The following MDC1 variants were observed in gnomAD, a reference collection of about 807,000 sequenced individuals.
MDC1 encodes mediator of DNA damage checkpoint 1.
Under a neutral mutation model 142.5 loss-of-function variants are expected in MDC1, and 81 were observed. That is an observed-to-expected ratio of 0.57 (90% confidence interval 0.47 to 0.68). The LOEUF is 0.68. Ranked by LOEUF, MDC1 falls within the 30% of genes least tolerant of loss-of-function variation. MDC1 has a pLI of 0.00. For synonymous variants in MDC1, 797 were observed against 968.4 expected, an observed-to-expected ratio of 0.82 and a Z score of 3.29; for missense variants, 2,119 against 2,547.9, an observed-to-expected ratio of 0.83 and a Z score of 3.62.
At chr6:30,707,310 A>G (rs1774039537) in intron 9 of MDC1, 74 bp downstream of exon 9, 3 of 1,421,524 alleles carry the variant, frequency 2.1e-6, no homozygotes, top group Non-Finnish European at 3.0e-6. Flanking sequence ...GATTAAAGTG[A>G]GGCTAGGTGA....
rs538887974 is a variant in MDC1, at chr6:30,700,575, G to A, written c.6160C>T (p.Arg2054Trp). The A allele has an allele frequency of 2.9e-5, 47 of 1,612,974 alleles. No individual in the cohort carries two copies. Among genetic ancestry groups the A allele is most frequent in the Non-Finnish European group, 3.6e-5 (42 of 1,179,994 alleles). ...GGCGAGAGGAGGGGCAGCCCAACCC[G>A]TAGTGGAATGGAGCAATGAGGGAAG... ...QDFPHCSIPL[R>W]VGLPLLSPEF... Residue 2054 changes from arginine to tryptophan, a missense_variant, in exon 15 of 15, where the codon CGG becomes TGG. Arg to Trp is a moderately radical substitution (Grantham distance 101, BLOSUM62 -3). Coordinates refer to ENST00000376406, the MANE Select transcript of MDC1 (RefSeq NM_014641.3).
At chr6:30,714,631 C>G (rs1457275282) in intron 2 of MDC1, among the ~76,000 whole-genome samples, 1 of 151,972 alleles carries the variant, frequency 6.6e-6, no homozygotes, top group East Asian at 1.9e-4. Flanking sequence ...CTGGCTCAGC[C>G]TCCCAAGTAG....
In MDC1 at chr6:30,704,951, G is replaced by A. The variant is rs1235964301; in HGVS notation, c.4232C>T (p.Ala1411Val). The A allele has an allele frequency of 6.2e-7, 1 of 1,607,132 alleles. No individual in the cohort carries two copies. The highest frequency in any genetic ancestry group is 1.1e-5 in the South Asian group (1 of 90,262). The change falls in exon 10 of 15, where the codon GCC (alanine) becomes GTC (valine). Residue 1411 changes from alanine (A) to valine (V), a missense_variant. Ala to Val is a moderately conservative substitution (Grantham distance 64, BLOSUM62 0). Transcript: ENST00000376406. ...GKTPETLVPTAPKLEPSTSTD... is the reference protein window; with the variant it reads ...GKTPETLVPTVPKLEPSTSTD... ...GGAAGTGGAAGGCTCGAGCTTAGGG[G>A]CTGTGGGGACAAGTGTTTCAGGGGT...
Position 30,712,452 on chromosome 6 carries a change from T to A in MDC1, c.1490A>T (p.Asp497Val). The change falls in exon 5 of 15, where the codon GAC becomes GTC. Residue 497 changes from aspartate (D) to valine (V), a missense_variant. Physicochemically the swap from Asp to Val is radical, Grantham distance 152 (BLOSUM62 -3). Transcript: ENST00000376406. The surrounding 1 kb of genome is among the most constrained non-coding windows in gnomAD (Gnocchi z 4.7). The part of the protein sequence containing the change: ...KDQPPFGDSD[D>V]SVEADKSSPG... ...TGAGCTCTTATCTGCTTCCACACTG[T>A]CATCACTGTCCCCAAAAGGAGGTTG... 1 of 1,613,066 alleles carries A rather than the reference T, an allele frequency of 6.2e-7. No homozygotes were observed. Among genetic ancestry groups the A allele is most frequent in the Non-Finnish European group, 8.5e-7 (1 of 1,180,020 alleles).
intron 13 of MDC1, 31 bp from the exon 14 acceptor site, chr6:30,702,694 G>A: frequency 6.2e-7 from 1 of 1,612,276 alleles, no homozygotes. Context: ...AGATGGTATT[G>A]TAGATTGGGA....
Position 30,713,187 on chromosome 6 carries a change from A to G in MDC1, c.755T>C (p.Val252Ala). The stretch of plus-strand genomic sequence containing the variant: ...CTTTTCAAGCTGGATTTCAGTTACA[A>G]CTTCAGCTTCAGACTGCTTTGCCTC... Reference protein sequence around the residue: ...TVEAKQSEAEVVTEIQLEKDQ... With the variant: ...TVEAKQSEAEAVTEIQLEKDQ... Residue 252 changes from valine to alanine, a missense_variant, in exon 5 of 15, where the codon GTT (valine) becomes GCT (alanine). Transcript: ENST00000376406. This position sits in a 1 kb window ranked among gnomAD's most constrained non-coding sequence, Gnocchi z 4.9. 6.2e-7 allele frequency: 1 copy of G among 1,612,978 alleles called. No homozygotes were observed.
At chr6:30,701,332 T>C (rs9501481) in intron 14 of MDC1, among the ~76,000 whole-genome samples, 10,262 of 151,358 alleles carry the variant, frequency 0.068, 566 homozygotes, top group African/African-American at 0.14. Context: ...ACCCGGGAGA[T>C]GGAGGTTGCA....
rs372152548 is a variant in MDC1, at chr6:30,712,441, C to T, written c.1501G>A (p.Ala501Thr). 6.2e-6 allele frequency: 10 copies of T among 1,612,842 alleles called. No homozygotes were observed. The highest frequency in any genetic ancestry group is 7.6e-6 in the Non-Finnish European group (9 of 1,179,964). ...TGGATCCCAGGTGAGCTCTTATCTG[C>T]TTCCACACTGTCATCACTGTCCCCA... ...PFGDSDDSVE[A>T]DKSSPGIHLE... Residue 501 changes from alanine to threonine, a missense_variant, in exon 5 of 15, where the codon GCA becomes ACA. Physicochemically the swap from Ala to Thr is moderately conservative, Grantham distance 58. Coordinates refer to ENST00000376406, the MANE Select transcript of MDC1 (RefSeq NM_014641.3). This position sits in a 1 kb window ranked among gnomAD's most constrained non-coding sequence, Gnocchi z 4.7.
rs750428000 is a variant in MDC1 at position 30,712,977 on chromosome 6, T to C, written c.965A>G (p.Gln322Arg). The C allele has an allele frequency of 1.2e-5, 20 of 1,613,022 alleles. No individual in the cohort carries two copies. Among genetic ancestry groups the C allele is most frequent in the Non-Finnish European group, 1.7e-5 (20 of 1,179,972 alleles). ...RPAEVHLERAQPFGFIDSDTD... is the reference protein window; with the variant it reads ...RPAEVHLERARPFGFIDSDTD... ...GTCGCTGTCGATGAAGCCAAAAGGCTGAGCCCTTTCCAAATGGACCTCAGC... is the reference window on the plus strand; with the variant it reads ...GTCGCTGTCGATGAAGCCAAAAGGCCGAGCCCTTTCCAAATGGACCTCAGC... Residue 322 changes from glutamine to arginine, a missense_variant, in exon 5 of 15, where the codon CAG (glutamine) becomes CGG (arginine). Physicochemically the swap from Gln to Arg is conservative, Grantham distance 43 (BLOSUM62 1). Transcript: ENST00000376406. The surrounding 1 kb of genome is among the most constrained non-coding windows in gnomAD (Gnocchi z 4.7).
rs780547156 is a variant in MDC1 at position 30,712,225 on chromosome 6, G to A, written c.1717C>T (p.Leu573=). The change falls in exon 5 of 15, where the codon CTG becomes TTG. Residue 573 remains leucine (L), a synonymous_variant. Coordinates refer to ENST00000376406, the MANE Select transcript of MDC1 (RefSeq NM_014641.3). This position sits in a 1 kb window ranked among gnomAD's most constrained non-coding sequence, Gnocchi z 4.7. ...GCATCTGTTTCACAGTCCCCATGCA[G>A]AGGCCAGGCTTCCTCTAGAGATACC... ...LVVSLEEAWP[L]HGDCETDAEE... 1 of 1,613,012 alleles carries A rather than the reference G, an allele frequency of 6.2e-7. No individual in the cohort carries two copies. The highest frequency in any genetic ancestry group is 1.1e-5 in the South Asian group (1 of 91,076).
At position 30,708,077 on chromosome 6, in the gene MDC1, T is replaced by A; in HGVS notation, c.2502A>T (p.Glu834Asp). 6.2e-7 allele frequency: 1 copy of A among 1,613,114 alleles called. No homozygotes were observed. Among genetic ancestry groups the A allele is most frequent in the East Asian group, 2.2e-5 (1 of 44,888 alleles). The change falls in exon 8 of 15, where the codon GAA becomes GAT. Residue 834 changes from glutamate to aspartate, a missense_variant. Glu to Asp is a conservative substitution (Grantham distance 45, BLOSUM62 2). Coordinates refer to ENST00000376406, the MANE Select transcript of MDC1 (RefSeq NM_014641.3). ...GTCTTTCTGGTAGCAGTTTCTCAGT[T>A]TCTCTCTCCAATGGCCCTCTCTCAG... is the stretch of plus-strand genomic sequence containing the variant. ...VGPERGPLER[E>D]TEKLLPERQT...
Position 30,712,498 on chromosome 6 carries a change from T to C in MDC1, c.1444A>G (p.Arg482Gly), listed in dbSNP as rs1484001642. 1 of 1,613,098 alleles carries C rather than the reference T, an allele frequency of 6.2e-7. No individual in the cohort carries two copies. The highest frequency in any genetic ancestry group is 1.7e-5 in the Admixed American group (1 of 60,026). Reference sequence around the variant, plus strand: ...GGTTGGTCCTTTTCTGAATGTGCTCTAACAAGGGCTCTAATCTTTGTGTGA... The same window carrying C: ...GGTTGGTCCTTTTCTGAATGTGCTCCAACAAGGGCTCTAATCTTTGTGTGA... ...KDHTKIRALV[R>G]AHSEKDQPPF... Residue 482 changes from arginine to glycine, a missense_variant, in exon 5 of 15, where the codon AGA (arginine) becomes GGA (glycine). Transcript: ENST00000376406. This position sits in a 1 kb window ranked among gnomAD's most constrained non-coding sequence, Gnocchi z 4.7.
At position 30,704,859 on chromosome 6, in the gene MDC1, C is replaced by T; in HGVS notation, c.4324G>A (p.Val1442Met). The T allele has an allele frequency of 6.2e-7, 1 of 1,606,244 alleles. No homozygotes were observed. Among genetic ancestry groups the T allele is most frequent in the Non-Finnish European group, 8.5e-7 (1 of 1,176,654 alleles). The change falls in exon 10 of 15, where the codon GTG (valine) becomes ATG (methionine). Residue 1442 changes from valine (V) to methionine (M), a missense_variant. Coordinates refer to ENST00000376406, the MANE Select transcript of MDC1 (RefSeq NM_014641.3). ...GGGACAACTGTTTCAGGGGTCTTCA[C>T]AGAGGACCTATTTGTCCTGCCCCTG... The part of the protein sequence containing the change: ...ATRGRTNRSS[V>M]KTPETVVPTA...
intron 9 of MDC1, among the ~76,000 whole-genome samples, 189 bp from the exon 10 acceptor site, chr6:30,706,287 C>T (rs1316689241): frequency 6.6e-6 from 1 of 151,734 alleles, no homozygotes; most frequent in Non-Finnish European, 1.5e-5. Flanking sequence ...GAGTTCAAGA[C>T]CAGCCTGGCC....
At position 30,707,846 on chromosome 6, in the gene MDC1, TGGAA is replaced by T; in HGVS notation, c.2729_2732del (p.Leu910GlnfsTer9). The T allele has an allele frequency of 6.2e-7, 1 of 1,613,136 alleles. No homozygotes were observed. The highest frequency in any genetic ancestry group is 2.2e-5 in the East Asian group (1 of 44,880). ...CTACTTCTCTCTCAAATGCTTTGCT[TGGAA>T]GGGTCTGCTTCTGTACTTGTTTCTC... is the stretch of plus-strand genomic sequence containing the variant. On this transcript the variant is annotated frameshift_variant, in exon 8 of 15. Transcript: ENST00000376406. LOFTEE classifies it high-confidence loss of function.
rs190567482 is a variant in MDC1 at position 30,716,826 on chromosome 6, G to A, written c.-4+419C>T. The A allele has an allele frequency of 2.4e-6, 2 of 847,802 alleles. No homozygotes were observed. Among genetic ancestry groups the A allele is most frequent in the Non-Finnish European group, 2.8e-6 (2 of 704,298 alleles). The allele number at this position is 847,802 out of a possible 1,614,324, so 52.5% of individuals were successfully genotyped here. On this transcript the variant is annotated intron_variant, in intron 1 of 14. Transcript: ENST00000376406. The surrounding 1 kb of genome is among the most constrained non-coding windows in gnomAD (Gnocchi z 4.4). ...TGCCCTCGGGAAGGCTCATCACCGA[G>A]CCTACTGATGAAGGAACAAATGAGA...
chr6:30,707,132 A>G (rs1267719800), intron 9 of MDC1, among the ~76,000 whole-genome samples: 2 of 152,206 alleles, frequency 1.3e-5, no homozygotes, highest in East Asian at 3.8e-4. Flanking sequence ...AAGGAAAAGG[A>G]TGGCTGGGGC....
At position 30,716,838 on chromosome 6, in the gene MDC1, AG is replaced by A; in HGVS notation, c.-4+406del. On this transcript the variant is annotated intron_variant, in intron 1 of 14. Coordinates refer to ENST00000376406, the MANE Select transcript of MDC1 (RefSeq NM_014641.3). This position sits in a 1 kb window ranked among gnomAD's most constrained non-coding sequence, Gnocchi z 4.4. ...GGCTCATCACCGAGCCTACTGATGA[AG>A]GAACAAATGAGATGGAAAGAAAATA... 1.1e-6 allele frequency: 1 copy of A among 922,202 alleles called. No homozygotes were observed. Among genetic ancestry groups the A allele is most frequent in the Non-Finnish European group, 1.3e-6 (1 of 772,136 alleles). 57.1% of individuals were successfully genotyped at this position (922,202 alleles called of 1,614,324 possible).
rs965542096 is a variant in MDC1 at position 30,715,839 on chromosome 6, C to T, written c.-3-661G>A. On this transcript the variant is annotated intron_variant, in intron 1 of 14. Transcript: ENST00000376406. This position sits in a 1 kb window ranked among gnomAD's most constrained non-coding sequence, Gnocchi z 4.1. Reference sequence around the variant, plus strand: ...CCTTGTAAAGTAGTATTACTATCTTCCATTTCTTCAGATAAAGAAACTGCA... The same window carrying T: ...CCTTGTAAAGTAGTATTACTATCTTTCATTTCTTCAGATAAAGAAACTGCA... Among the ~76,000 whole-genome samples the T allele has an allele frequency of 1.1e-4, 17 of 152,202 alleles. No individual in the cohort carries two copies. The highest frequency in any genetic ancestry group is 4.1e-4 in the African/African-American group (17 of 41,454).
Sources: gnomAD v4.1 joint callset for allele counts (sites outside exome capture counted in the v4.1 genomes callset) on GRCh38, gnomAD v4.1.1 for gene constraint, Gnocchi (gnomAD v3.1) non-coding constraint, MANE v1.5 for transcripts, NCBI Gene and HGNC (gene_info 2026-07-23, HGNC 2026-07-21) for gene names.